PIBF1: variants seen among roughly 807,000 people sequenced by gnomAD.
The protein encoded by PIBF1 is progesterone-induced-blocking factor 1.
In PIBF1, 90 loss-of-function variants were observed where a neutral mutation model predicts 112.5. The ratio of observed to expected loss-of-function variants is 0.80; its 90% CI spans 0.67 to 0.95. The LOEUF (loss-of-function observed/expected upper bound fraction) is 0.95, where lower values mean the gene tolerates loss of function less well. Ranked by LOEUF, PIBF1 falls within the 40% of genes least tolerant of loss-of-function variation. The pLI, the probability that PIBF1 is intolerant of heterozygous loss-of-function variation, is 0.00. For missense variants in PIBF1, 915 were observed against 852.3 expected, an observed-to-expected ratio of 1.07 and a Z score of -0.92; for synonymous variants, 301 against 288.6, an observed-to-expected ratio of 1.04 and a Z score of -0.44.
At chr13:72,793,509 C>T (rs1005768002) in intron 3 of PIBF1, among the ~76,000 whole-genome samples, 58 of 152,212 alleles carry the variant, frequency 3.8e-4, no homozygotes, top group Non-Finnish European at 8.8e-5. Context: ...TTACTGGGTT[C>T]GCAGGTGATG....
At position 72,917,070 on chromosome 13, in the gene PIBF1, T is replaced by C. The variant is rs2041128132; in HGVS notation, c.1640-6T>C. The C allele has an allele frequency of 6.4e-7, 1 of 1,555,720 alleles. No individual in the cohort carries two copies. The highest frequency in any genetic ancestry group is 1.4e-5 in the African/African-American group (1 of 72,940). On this transcript the variant is annotated splice_region_variant and splice_polypyrimidine_tract_variant and intron_variant, in intron 12 of 17. Coordinates refer to ENST00000326291, the MANE Select transcript of PIBF1 (RefSeq NM_006346.4). ...ATTTCACATTATACACTTTAATATTTTCCAGTTGAAAATGAAGATGAGGCT... is the reference window on the plus strand; with the variant it reads ...ATTTCACATTATACACTTTAATATTCTCCAGTTGAAAATGAAGATGAGGCT...
At chr13:72,790,499 TCACACA>T (rs1162550737) in intron 2 of PIBF1, among the ~76,000 whole-genome samples, 1 of 138,234 alleles carries the variant, frequency 7.2e-6, no homozygotes, top group Admixed American at 7.4e-5. Flanking sequence ...TATAGATAGA[TCACACA>T]CACACATAGA....
chr13:72,912,130 A>T (rs1215915071), intron 12 of PIBF1, among the ~76,000 whole-genome samples: 21 of 152,218 alleles, frequency 1.4e-4, no homozygotes, highest in Admixed American at 1.3e-3. Context: ...AACAGATTTC[A>T]CCATAGAGCC....
chr13:72,908,971 C>T (rs1363777705), intron 12 of PIBF1, among the ~76,000 whole-genome samples: 1 of 151,606 alleles, frequency 6.6e-6, no homozygotes, highest in Non-Finnish European at 1.5e-5. Context: ...TGCTTGAACC[C>T]GGAAGGCAGA....
intron 10 of PIBF1, among the ~76,000 whole-genome samples, chr13:72,893,286 C>G (rs1046441573): frequency 6.6e-6 from 1 of 151,984 alleles, no homozygotes; most frequent in Admixed American, 6.6e-5. Flanking sequence ...ACAGTTTGTA[C>G]ATTTTTTTCT....
intron 5 of PIBF1, among the ~76,000 whole-genome samples, chr13:72,808,617 G>A (rs2035854470): frequency 6.6e-6 from 1 of 152,104 alleles, no homozygotes; most frequent in African/African-American, 2.4e-5. Context: ...TATTATTGGG[G>A]CTGCTCAGAG....
chr13:72,974,890 T>TA (rs1202841165), intron 16 of PIBF1, among the ~76,000 whole-genome samples: 1 of 152,206 alleles, frequency 6.6e-6, no homozygotes, highest in Non-Finnish European at 1.5e-5. Context: ...TTTCCAAAGT[T>TA]ACTATACTTT....
chr13:72,911,596 A>G (rs1044685962), intron 12 of PIBF1, among the ~76,000 whole-genome samples: 2 of 152,210 alleles, frequency 1.3e-5, no homozygotes, highest in African/African-American at 2.4e-5. Flanking sequence ...TGTAATTATC[A>G]TAAAAGAAAA....
intron 9 of PIBF1, among the ~76,000 whole-genome samples, chr13:72,836,389 A>G (rs953543421): frequency 6.6e-6 from 1 of 152,176 alleles, no homozygotes; most frequent in Non-Finnish European, 1.5e-5. Flanking sequence ...GACTTAATCT[A>G]TAATAGCATT....
At chr13:72,897,766 C>T (rs779599922) in intron 11 of PIBF1, among the ~76,000 whole-genome samples, 2 of 152,110 alleles carry the variant, frequency 1.3e-5, no homozygotes, top group Non-Finnish European at 2.9e-5. Flanking sequence ...GAAAATATCA[C>T]AATGGACCTA....
At chr13:72,947,778 C>T (rs558372354) in intron 14 of PIBF1, among the ~76,000 whole-genome samples, 9 of 152,232 alleles carry the variant, frequency 5.9e-5, no homozygotes, top group South Asian at 4.1e-4. Flanking sequence ...TATAAAAACA[C>T]GTGTACGCAT....
At chr13:72,855,927 G>GT (rs952067776) in intron 10 of PIBF1, among the ~76,000 whole-genome samples, 2 of 152,098 alleles carry the variant, frequency 1.3e-5, no homozygotes, top group African/African-American at 4.8e-5. Context: ...AAAAGAAAAC[G>GT]TAAGATATTA....
intron 17 of PIBF1, among the ~76,000 whole-genome samples, chr13:73,011,020 T>C (rs2139059634): frequency 6.6e-6 from 1 of 151,824 alleles, no homozygotes; most frequent in East Asian, 1.9e-4. Flanking sequence ...AGAGAAGGGT[T>C]TCACCATGTT....
chr13:72,904,432 T>TC, intron 11 of PIBF1, among the ~76,000 whole-genome samples: 1 of 120,808 alleles, frequency 8.3e-6, no homozygotes, highest in Non-Finnish European at 1.7e-5. Flanking sequence ...TCAAAATATT[T>TC]CTTTTTTTTT....
intron 5 of PIBF1, among the ~76,000 whole-genome samples, chr13:72,813,382 AG>A (rs1566303181): frequency 6.6e-6 from 1 of 152,180 alleles, no homozygotes; most frequent in African/African-American, 2.4e-5. Context: ...GCTTTGGGAA[AG>A]CTAGTGTTCC....
At chr13:72,811,017 C>G (rs902019475) in intron 5 of PIBF1, among the ~76,000 whole-genome samples, 3 of 152,014 alleles carry the variant, frequency 2.0e-5, no homozygotes, top group African/African-American at 7.2e-5. Context: ...CTGCCACTCC[C>G]GGCTAATTTT....
rs576580823 is a variant in PIBF1, at chr13:72,885,962, T to G, written c.1323-7822T>G. 3.3e-5 allele frequency among the ~76,000 whole-genome samples: 5 copies of G among 152,314 alleles called. No homozygotes were observed. The South Asian group carries it at 1.0e-3, about 32-fold the overall frequency. On this transcript the variant is annotated intron_variant, in intron 10 of 17. Coordinates refer to ENST00000326291, the MANE Select transcript of PIBF1 (RefSeq NM_006346.4). Reference sequence around the variant, plus strand: ...TATTCCTTAGCCCATTTCAGAACACTAATTTGGATAAATTAACATTTATAG... The same window carrying G: ...TATTCCTTAGCCCATTTCAGAACACGAATTTGGATAAATTAACATTTATAG...
intron 16 of PIBF1, among the ~76,000 whole-genome samples, chr13:72,993,551 C>T (rs920620326): frequency 1.3e-5 from 2 of 151,902 alleles, no homozygotes; most frequent in South Asian, 4.2e-4. Context: ...AGGATGGCAT[C>T]CTGGCTAACA....
At chr13:72,783,777 G>T (rs753573676) in intron 2 of PIBF1, 56 bp downstream of exon 2, 3 of 1,476,860 alleles carry the variant, frequency 2.0e-6, no homozygotes, top group Non-Finnish European at 2.8e-6. Context: ...CAAACGGCAG[G>T]TAAATAAGAA....
Sources: gnomAD v4.1 joint callset for allele counts (sites outside exome capture counted in the v4.1 genomes callset) on GRCh38, gnomAD v4.1.1 for gene constraint, MANE v1.5 for transcripts, NCBI Gene and HGNC (gene_info 2026-07-23, HGNC 2026-07-21) for gene names.